Variants in PDZD2 observed in about 807,000 individuals in gnomAD.
The protein encoded by PDZD2 is PDZ domain-containing protein 2.
A neutral mutation model predicts 220.7 loss-of-function variants in PDZD2; 90 were observed. That is an observed-to-expected ratio of 0.41 (90% confidence interval 0.34 to 0.49). The LOEUF is 0.49. PDZD2 is among the 20% of genes least tolerant of loss of function. The probability of loss-of-function intolerance (pLI) is 0.28; values close to 1 mark genes in which losing one functional copy is unlikely to be tolerated. For missense variants in PDZD2, 3,174 were observed against 3,608.5 expected, an observed-to-expected ratio of 0.88 and a Z score of 3.08; for synonymous variants, 1,375 against 1,450.5, an observed-to-expected ratio of 0.95 and a Z score of 1.18.
Position 31,933,271 on chromosome 5 carries a change from T to C in PDZD2, c.477-49884T>C, listed in dbSNP as rs548225356. Among the ~76,000 whole-genome samples, 5 of 152,308 alleles carry C rather than the reference T, an allele frequency of 3.3e-5. No homozygotes were observed. The East Asian group carries it at 9.7e-4, about 29-fold the overall frequency. ...AGCATGTGTCAGAATTTCCTTCCTT[T>C]TTACGGCTGAATAGTATTCCATTGT... On this transcript the variant is annotated intron_variant, in intron 2 of 24. Coordinates refer to ENST00000438447, the MANE Select transcript of PDZD2 (RefSeq NM_178140.4).
intron 1 of PDZD2, among the ~76,000 whole-genome samples, chr5:31,790,888 C>T (rs866562448): frequency 2.0e-5 from 3 of 151,466 alleles, no homozygotes; most frequent in South Asian, 2.1e-4. Context: ...TTAGTAGAGA[C>T]GGGATTTCAC....
intron 2 of PDZD2, among the ~76,000 whole-genome samples, chr5:31,913,166 C>G (rs1743353952): frequency 1.3e-5 from 2 of 151,978 alleles, no homozygotes; most frequent in African/African-American, 2.4e-5. Context: ...GTCAGGAGTT[C>G]AAGACCAGCC....
chr5:31,943,798 A>G (rs1421695129), intron 2 of PDZD2, among the ~76,000 whole-genome samples: 1 of 152,192 alleles, frequency 6.6e-6, no homozygotes, highest in Non-Finnish European at 1.5e-5. Flanking sequence ...ACATCTGTCT[A>G]TCTTAACCTG....
chr5:31,973,778 T>C (rs1379747922), intron 2 of PDZD2, among the ~76,000 whole-genome samples: 1 of 152,288 alleles, frequency 6.6e-6, no homozygotes, highest in East Asian at 1.9e-4. Context: ...TCCCAGAACT[T>C]TGGGAGGCCG....
intron 19 of PDZD2, among the ~76,000 whole-genome samples, chr5:32,085,956 C>G (rs1355355903): frequency 6.6e-6 from 1 of 151,840 alleles, no homozygotes; most frequent in Non-Finnish European, 1.5e-5. Context: ...TTTAACGGTA[C>G]TCTTCCATTG....
At chr5:31,970,024 G>C (rs555488942) in intron 2 of PDZD2, among the ~76,000 whole-genome samples, 2 of 151,812 alleles carry the variant, frequency 1.3e-5, no homozygotes, top group African/African-American at 2.4e-5. Flanking sequence ...TCAGCCTCCC[G>C]AGTAGCTGGG....
intron 2 of PDZD2, chr5:31,840,793 T>C: frequency 1.2e-6 from 1 of 802,864 alleles, no homozygotes; most frequent in Non-Finnish European, 2.2e-6. Flanking sequence ...ACTCTTCCCG[T>C]TTTGCCATGG....
At chr5:31,807,089 T>C (rs759565596) in intron 2 of PDZD2, among the ~76,000 whole-genome samples, 1 of 152,024 alleles carries the variant, frequency 6.6e-6, no homozygotes, top group Non-Finnish European at 1.5e-5. Flanking sequence ...TGCCTGCCAT[T>C]ATGCCTGGCT....
At chr5:32,001,249 T>C (rs1752080769) in intron 5 of PDZD2, among the ~76,000 whole-genome samples, 1 of 152,116 alleles carries the variant, frequency 6.6e-6, no homozygotes, top group Non-Finnish European at 1.5e-5. Context: ...AAGGACAATG[T>C]AGAGAGAGCG....
intron 1 of PDZD2, among the ~76,000 whole-genome samples, chr5:31,650,123 G>A (rs1364188759): frequency 2.0e-5 from 3 of 151,994 alleles, no homozygotes; most frequent in Admixed American, 2.0e-4. Flanking sequence ...TAATCTGAGT[G>A]AGTATATTTC....
chr5:31,883,014 ACT>A (rs1174204944), intron 2 of PDZD2, among the ~76,000 whole-genome samples: 3 of 106,934 alleles, frequency 2.8e-5, no homozygotes, highest in Non-Finnish European at 5.2e-5. Flanking sequence ...TGGGTGACAG[ACT>A]CTGTCTCAAA....
At chr5:31,976,699 C>CTT (rs1195178825) in intron 2 of PDZD2, among the ~76,000 whole-genome samples, 1 of 136,586 alleles carries the variant, frequency 7.3e-6, no homozygotes, top group African/African-American at 2.7e-5. Flanking sequence ...CTTTCTTTTC[C>CTT]TTTTTTTCTT....
At position 32,089,275 on chromosome 5, in the gene PDZD2, C is replaced by A. The variant is rs768752813; in HGVS notation, c.5827C>A (p.Pro1943Thr). 6.2e-7 allele frequency: 1 copy of A among 1,614,152 alleles called. No homozygotes were observed. The highest frequency in any genetic ancestry group is 1.7e-5 in the Admixed American group (1 of 60,012). Residue 1943 changes from proline (P) to threonine (T), a missense_variant, in exon 20 of 25, where the codon CCT (proline) becomes ACT (threonine). By Grantham distance (38) the Pro-to-Thr change is conservative. Coordinates refer to ENST00000438447, the MANE Select transcript of PDZD2 (RefSeq NM_178140.4). ...QRLHVADHEDPDRNTTAAPRS... is the reference protein window; with the variant it reads ...QRLHVADHEDTDRNTTAAPRS... The stretch of plus-strand genomic sequence containing the variant: ...GCTCCATGTAGCCGACCACGAGGAC[C>A]CTGACAGAAACACCACAGCTGCCCC...
chr5:31,839,586 G>A (rs981397773), intron 2 of PDZD2, among the ~76,000 whole-genome samples: 11 of 152,258 alleles, frequency 7.2e-5, no homozygotes, highest in African/African-American at 1.7e-4. Flanking sequence ...GGTGGCCCAC[G>A]ACTGTAATCC....
chr5:32,087,083 C>T lies in PDZD2; in HGVS notation c.3683-48C>T, dbSNP rs374877732. 177 of 1,082,384 alleles carry T rather than the reference C, an allele frequency of 1.6e-4. No individual in the cohort carries two copies. The highest frequency in any genetic ancestry group is 8.4e-4 in the Middle Eastern group (4 of 4,758). The allele number at this position is 1,082,384 out of a possible 1,614,324, so 67.0% of individuals were successfully genotyped here. ...TCTTATATTATCCCTTTTATCTCCCCTACAACCTCTCCTGTGTATGTACCT... is the reference window on the plus strand; with the variant it reads ...TCTTATATTATCCCTTTTATCTCCCTTACAACCTCTCCTGTGTATGTACCT... On this transcript the variant is annotated intron_variant, in intron 19 of 24. Coordinates refer to ENST00000438447, the MANE Select transcript of PDZD2 (RefSeq NM_178140.4). This position sits in a 1 kb window ranked among gnomAD's most constrained non-coding sequence, Gnocchi z 4.0.
intron 1 of PDZD2, among the ~76,000 whole-genome samples, chr5:31,701,151 G>A (rs964895149): frequency 4.6e-5 from 7 of 152,108 alleles, no homozygotes; most frequent in Non-Finnish European, 8.8e-5. Flanking sequence ...TTTGTTCCAT[G>A]GCTAAAATCT....
At position 31,868,474 on chromosome 5, in the gene PDZD2, G is replaced by A. The variant is rs1402207852; in HGVS notation, c.476+68750G>A. The stretch of plus-strand genomic sequence containing the variant: ...ATAAATAAATAAATGCAGCTGTCCC[G>A]CGTGAGTTTGGGAAAAGCTAGTTAG... On this transcript the variant is annotated intron_variant, in intron 2 of 24. Coordinates refer to ENST00000438447, the MANE Select transcript of PDZD2 (RefSeq NM_178140.4). Among the ~76,000 whole-genome samples the A allele has an allele frequency of 3.3e-5, 5 of 152,144 alleles. No homozygotes were observed. The East Asian group carries it at 5.8e-4, about 18-fold the overall frequency.
intron 1 of PDZD2, among the ~76,000 whole-genome samples, chr5:31,699,181 G>A (rs1321609346): frequency 1.3e-5 from 2 of 152,228 alleles, no homozygotes; most frequent in South Asian, 2.1e-4. Context: ...TACCCAACCC[G>A]TCCCGTTCAT....
intron 2 of PDZD2, chr5:31,822,670 T>C (rs1045342921): frequency 8.1e-5 from 107 of 1,326,074 alleles, no homozygotes; most frequent in Non-Finnish European, 1.0e-4. Context: ...AGCCACTGAA[T>C]TTGAAACAAG....
Sources: gnomAD v4.1 joint callset for allele counts (sites outside exome capture counted in the v4.1 genomes callset) on GRCh38, gnomAD v4.1.1 for gene constraint, Gnocchi (gnomAD v3.1) non-coding constraint, MANE v1.5 for transcripts, NCBI Gene and HGNC (gene_info 2026-07-23, HGNC 2026-07-21) for gene names.